KCNAB1: variants seen among roughly 807,000 people sequenced by gnomAD.
KCNAB1 encodes the protein potassium voltage-gated channel subfamily A regulatory beta subunit 1.
KCNAB1 carries 35 observed loss-of-function variants against 64.6 expected under a neutral mutation model. That is an observed-to-expected ratio of 0.54 (90% CI 0.41 to 0.72). The LOEUF (loss-of-function observed/expected upper bound fraction) is 0.72. Among genes scored for constraint, KCNAB1 ranks in the 30% least tolerant of loss-of-function variants. The pLI is 0.00. For synonymous variants in KCNAB1, 177 were observed against 183.8 expected (o/e 0.96, Z 0.30); for missense variants, 401 against 512.9 (o/e 0.78, Z 2.11).
intron 12 of KCNAB1, among the ~76,000 whole-genome samples, chr3:156,530,221 A>T (rs1718608957): frequency 1.3e-5 from 2 of 152,172 alleles, no homozygotes; most frequent in Non-Finnish European, 2.9e-5. Context: ...ATCATGTATG[A>T]ATCAAGTCCA....
chr3:156,147,675 C>T (rs909487175), intron 1 of KCNAB1, among the ~76,000 whole-genome samples: 4 of 151,824 alleles, frequency 2.6e-5, no homozygotes, highest in Non-Finnish European at 4.4e-5. Context: ...AGGGAGAAGG[C>T]TATAAAAGAA....
chr3:156,209,806 C>A (rs1222884777), intron 1 of KCNAB1, among the ~76,000 whole-genome samples: 13 of 152,194 alleles, frequency 8.5e-5, no homozygotes, highest in Non-Finnish European at 4.4e-5. Context: ...ATGCCTTCAG[C>A]ATCTTGTTCA....
chr3:156,126,669 C>T (rs4680234), intron 1 of KCNAB1, among the ~76,000 whole-genome samples: 3 of 151,932 alleles, frequency 2.0e-5, no homozygotes, highest in Admixed American at 1.3e-4. Context: ...CCCTTGCCTG[C>T]GAGAAGCAGT....
intron 8 of KCNAB1, among the ~76,000 whole-genome samples, chr3:156,491,369 A>T (rs1012572698): frequency 6.6e-6 from 1 of 152,152 alleles, no homozygotes; most frequent in African/African-American, 2.4e-5. Flanking sequence ...TGAGTTTCTT[A>T]TCAGCTTGAC....
At chr3:156,385,898 G>A (rs1160566720) in intron 1 of KCNAB1, among the ~76,000 whole-genome samples, 1 of 152,130 alleles carries the variant, frequency 6.6e-6, no homozygotes, top group Non-Finnish European at 1.5e-5. Flanking sequence ...TATAAATCAT[G>A]AAAGATTTAA....
chr3:156,424,788 G>A (rs1447071375), intron 2 of KCNAB1, among the ~76,000 whole-genome samples: 3 of 152,152 alleles, frequency 2.0e-5, no homozygotes, highest in African/African-American at 7.2e-5. Context: ...TGCAGACTGT[G>A]TATGAGGTGC....
At chr3:156,220,425 T>G (rs1402033426) in intron 1 of KCNAB1, among the ~76,000 whole-genome samples, 1 of 152,252 alleles carries the variant, frequency 6.6e-6, no homozygotes, top group African/African-American at 2.4e-5. Context: ...TGGCATGAGA[T>G]GGCATCTCAT....
intron 1 of KCNAB1, among the ~76,000 whole-genome samples, chr3:156,403,927 A>G (rs772500786): frequency 1.3e-5 from 2 of 150,932 alleles, no homozygotes; most frequent in Non-Finnish European, 3.0e-5. Flanking sequence ...GGTCCCATGC[A>G]TAATTGTGTA....
intron 1 of KCNAB1, among the ~76,000 whole-genome samples, chr3:156,275,708 G>T (rs1031977226): frequency 2.2e-4 from 33 of 152,146 alleles, no homozygotes; most frequent in African/African-American, 6.8e-4. Context: ...TCATTCATAA[G>T]AAACAACTCC....
chr3:156,325,734 C>T (rs1722932634), intron 1 of KCNAB1, among the ~76,000 whole-genome samples: 1 of 151,964 alleles, frequency 6.6e-6, no homozygotes, highest in Non-Finnish European at 1.5e-5. Context: ...GAGAGGATAG[C>T]TTGAGCCCAG....
In KCNAB1 at chr3:156,537,034, G is replaced by T. The variant is rs1008440610; in HGVS notation, c.*287G>T. 32 of 462,996 alleles carry T rather than the reference G, an allele frequency of 6.9e-5. No homozygotes were observed. The highest frequency in any genetic ancestry group is 1.1e-4 in the Non-Finnish European group (30 of 264,400). The allele number at this position is 462,996 out of a possible 1,614,324, so 28.7% of individuals were successfully genotyped here. ...AATGGGAAGAATATGGGGGCCAGGGGGTGTGGTACTACCTTCAGGCATTTG... is the reference window on the plus strand; with the variant it reads ...AATGGGAAGAATATGGGGGCCAGGGTGTGTGGTACTACCTTCAGGCATTTG... On this transcript the variant is annotated 3_prime_UTR_variant, in exon 14 of 14. Transcript: ENST00000490337.
At chr3:156,143,458 C>T (rs1196222543) in intron 1 of KCNAB1, 1 of 1,351,212 alleles carries the variant, frequency 7.4e-7, no homozygotes, top group Non-Finnish European at 1.0e-6. Flanking sequence ...CAGGGCACTG[C>T]ACTGATGTCA....
chr3:156,296,351 T>C (rs1276783076), intron 1 of KCNAB1, among the ~76,000 whole-genome samples: 1 of 152,042 alleles, frequency 6.6e-6, no homozygotes, highest in Admixed American at 6.6e-5. Flanking sequence ...TTTGTACTGA[T>C]AAACTCCCTC....
At chr3:156,311,541 G>A (rs778219480) in intron 1 of KCNAB1, among the ~76,000 whole-genome samples, 2 of 152,166 alleles carry the variant, frequency 1.3e-5, no homozygotes, top group African/African-American at 2.4e-5. Flanking sequence ...TCTGCCTGGA[G>A]CAGAGGCATG....
Position 156,538,364 on chromosome 3 carries a change from C to T in KCNAB1, c.*1617C>T, listed in dbSNP as rs1232655111. The T allele has an allele frequency of 6.6e-6, 1 of 152,124 alleles. No homozygotes were observed. Among genetic ancestry groups the T allele is most frequent in the Non-Finnish European group, 1.5e-5 (1 of 68,016 alleles). 9.4% of individuals were successfully genotyped at this position (152,124 alleles called of 1,614,324 possible). ...TGGTTAAATTCTAAATCTGAAAATG[C>T]TAGTGGGAGATATCAAGAAATTTTC... is the stretch of plus-strand genomic sequence containing the variant. On this transcript the variant is annotated 3_prime_UTR_variant, in exon 14 of 14. Coordinates refer to ENST00000490337, the MANE Select transcript of KCNAB1 (RefSeq NM_172160.3).
At chr3:156,326,411 C>T (rs1722969168) in intron 1 of KCNAB1, among the ~76,000 whole-genome samples, 1 of 152,134 alleles carries the variant, frequency 6.6e-6, no homozygotes. Flanking sequence ...ATAGATGTCT[C>T]AGGCCTGTAG....
intron 1 of KCNAB1, chr3:156,176,645 CG>C: frequency 2.9e-6 from 3 of 1,033,932 alleles, no homozygotes; most frequent in Non-Finnish European, 4.6e-6. Flanking sequence ...CAATATCAGT[CG>C]GTCAAATCCT....
At chr3:156,258,462 C>T (rs772702379) in intron 1 of KCNAB1, among the ~76,000 whole-genome samples, 22 of 152,178 alleles carry the variant, frequency 1.4e-4, no homozygotes, top group Non-Finnish European at 2.6e-4. Flanking sequence ...CTTACTAAAC[C>T]TCCAGGTGGG....
chr3:156,251,640 C>T (rs1045974594), intron 1 of KCNAB1, among the ~76,000 whole-genome samples: 4 of 151,998 alleles, frequency 2.6e-5, no homozygotes, highest in Admixed American at 1.3e-4. Context: ...CTTGAATGGG[C>T]GGGCTCAAGG....
Sources: allele counts gnomAD v4.1 joint callset (sites outside exome capture counted in the v4.1 genomes callset), GRCh38; gene constraint gnomAD v4.1.1; transcripts MANE v1.5; gene names NCBI Gene and HGNC (gene_info 2026-07-23, HGNC 2026-07-21).